PTPN3: variants seen among roughly 807,000 people sequenced by gnomAD.
PTPN3 encodes the protein protein tyrosine phosphatase non-receptor type 3.
Under a neutral mutation model 132.7 loss-of-function variants are expected in PTPN3, and 96 were observed. The ratio of observed to expected loss-of-function variants is 0.72; its 90% confidence interval spans 0.61 to 0.86. The LOEUF (loss-of-function observed/expected upper bound fraction) is 0.86. PTPN3 is among the 40% of genes least tolerant of loss of function. The pLI is 0.00. For synonymous variants in PTPN3, 398 were observed against 429.0 expected (o/e 0.93, Z 0.89); for missense variants, 1,125 against 1,159.6 (o/e 0.97, Z 0.43).
At chr9:109,458,130 T>G (rs1338995766) in intron 2 of PTPN3, among the ~76,000 whole-genome samples, 1 of 152,122 alleles carries the variant, frequency 6.6e-6, no homozygotes, top group East Asian at 1.9e-4. Context: ...GCAGTGGCTG[T>G]AACAGAGTGT....
the PTPN3 span, among the ~76,000 whole-genome samples, chr9:109,522,708 A>T: frequency 2.0e-5 from 3 of 152,214 alleles, no homozygotes; most frequent in African/African-American, 7.2e-5. Context: ...CACTCATAGG[A>T]AACCATCCTA....
chr9:109,414,980 G>A (rs1304569053), intron 14 of PTPN3, among the ~76,000 whole-genome samples: 2 of 152,118 alleles, frequency 1.3e-5, no homozygotes, highest in Admixed American at 1.3e-4. Flanking sequence ...TGAAAACTTA[G>A]GAGTTTGTAT....
the PTPN3 span, among the ~76,000 whole-genome samples, chr9:109,514,752 T>C: frequency 6.6e-6 from 1 of 152,184 alleles, no homozygotes; most frequent in Non-Finnish European, 1.5e-5. Context: ...GTAGATGGAC[T>C]TCCCCCTGCT....
At chr9:109,501,655 A>G (rs1051437763), upstream of PTPN3, among the ~76,000 whole-genome samples, 13 of 152,246 alleles carry the variant, frequency 8.5e-5, no homozygotes, top group African/African-American at 2.4e-4. Context: ...TTGAATGGGC[A>G]CATAATCTTC....
At chr9:109,428,883 C>T (rs1212474881) in intron 10 of PTPN3, 199 bp from the exon 11 acceptor site, 1 of 985,282 alleles carries the variant, frequency 1.0e-6, no homozygotes, top group Non-Finnish European at 1.2e-6. Context: ...AAGCTGAGCA[C>T]TGCGTAAGGG....
At chr9:109,467,339 C>T (rs1846149734) in intron 1 of PTPN3, among the ~76,000 whole-genome samples, 1 of 151,986 alleles carries the variant, frequency 6.6e-6, no homozygotes, top group South Asian at 2.1e-4. Context: ...TCAGAATCAC[C>T]TGAGGAGCTT....
intron 14 of PTPN3, among the ~76,000 whole-genome samples, chr9:109,414,081 T>C (rs1410690582): frequency 6.6e-6 from 1 of 151,970 alleles, no homozygotes; most frequent in Non-Finnish European, 1.5e-5. Flanking sequence ...ACACAGGGAG[T>C]ACTCAACTGA....
intron 4 of PTPN3, among the ~76,000 whole-genome samples, chr9:109,456,954 T>C (rs1252163894): frequency 1.3e-5 from 2 of 152,026 alleles, no homozygotes; most frequent in Non-Finnish European, 2.9e-5. Flanking sequence ...CTCTCACCCT[T>C]CCCCTTCTTT....
At chr9:109,458,814 C>T (rs10816814) in intron 2 of PTPN3, among the ~76,000 whole-genome samples, 57,587 of 152,064 alleles carry the variant, frequency 0.38, 11,478 homozygotes, top group African/African-American at 0.49. Context: ...CTCCCCTTGT[C>T]GGAATTATTT....
In PTPN3 at chr9:109,437,743, C is replaced by T. The variant is rs1401454832; in HGVS notation, c.587+371G>A. ...TACGTCCATCTGTCTGTCTGTTTAA[C>T]AAGACCTGAAGGAACAGCTTGTTTT... On this transcript the variant is annotated intron_variant, in intron 8 of 25. Coordinates refer to ENST00000374541, the MANE Select transcript of PTPN3 (RefSeq NM_002829.4). Among the ~76,000 whole-genome samples, 3 of 141,648 alleles carry T rather than the reference C, an allele frequency of 2.1e-5. No individual in the cohort carries two copies. In the East Asian group the frequency reaches 5.8e-4, roughly 27 times the overall value. The allele number at this position is 141,648 out of a possible 152,430, so 92.9% of individuals were successfully genotyped here. A position where few individuals can be genotyped will look rare whatever the true frequency, so the allele number is the denominator to read the frequency against.
At position 109,443,616 on chromosome 9, in the gene PTPN3, G is replaced by A. The variant is rs527913556; in HGVS notation, c.466+1624C>T. 4.6e-5 allele frequency among the ~76,000 whole-genome samples: 7 copies of A among 152,262 alleles called. No individual in the cohort carries two copies. In the South Asian group the frequency reaches 1.2e-3, roughly 27 times the overall value. ...ACACCAAACTTGCTCTGAGACATGGGGAGGCTCAGTCTCCTCAGCTGATTG... is the reference window on the plus strand; with the variant it reads ...ACACCAAACTTGCTCTGAGACATGGAGAGGCTCAGTCTCCTCAGCTGATTG... On this transcript the variant is annotated intron_variant, in intron 7 of 25. Transcript: ENST00000374541.
chr9:109,438,341 C>T, intron 7 of PTPN3, 107 bp from the exon 8 acceptor site: 1 of 1,262,520 alleles, frequency 7.9e-7, no homozygotes, highest in Non-Finnish European at 1.1e-6. Flanking sequence ...ATTAGAAATA[C>T]TCTTCTGGTA....
rs530673356 is a variant in PTPN3 at position 109,481,777 on chromosome 9, A to C, written c.-18+16442T>G. ...ATAAATTGATAAAATTGGGAACCCC[A>C]TACTCAGTGTGTAGCATGTCACTAA... On this transcript the variant is annotated intron_variant, in intron 1 of 25. Transcript: ENST00000374541. Among the ~76,000 whole-genome samples, 208 of 152,250 alleles carry C rather than the reference A, an allele frequency of 1.4e-3. 1 individual carries two copies. The highest frequency in any genetic ancestry group is 1.9e-3 in the Non-Finnish European group (128 of 68,046).
At position 109,408,299 on chromosome 9, in the gene PTPN3, AAC is replaced by A. The variant is rs1841732443; in HGVS notation, c.1635+20_1635+21del. On this transcript the variant is annotated intron_variant, in intron 17 of 25. Coordinates refer to ENST00000374541, the MANE Select transcript of PTPN3 (RefSeq NM_002829.4). Reference sequence around the variant, plus strand: ...GGGGAAACAAACAAACACGAGGAATAACATGGAATGTATTTACTTACAGGTGA... The same window carrying A: ...GGGGAAACAAACAAACACGAGGAATAATGGAATGTATTTACTTACAGGTGA... The A allele has an allele frequency of 1.3e-6, 2 of 1,517,892 alleles. No individual in the cohort carries two copies. The highest frequency in any genetic ancestry group is 4.0e-5 in the Admixed American group (2 of 49,906). 94.0% of individuals were successfully genotyped at this position (1,517,892 alleles called of 1,614,324 possible).
intron 22 of PTPN3, among the ~76,000 whole-genome samples, chr9:109,388,018 A>C (rs539995900): frequency 6.6e-6 from 1 of 152,326 alleles, no homozygotes; most frequent in African/African-American, 2.4e-5. Flanking sequence ...CAGACCTGAG[A>C]GTAGCACAGC....
chr9:109,454,249 G>A (rs1233648801), intron 5 of PTPN3, among the ~76,000 whole-genome samples: 1 of 152,116 alleles, frequency 6.6e-6, no homozygotes, highest in African/African-American at 2.4e-5. Flanking sequence ...GAGGTAGGAG[G>A]TGGCAGATGG....
the PTPN3 span, among the ~76,000 whole-genome samples, chr9:109,507,153 T>C: frequency 6.6e-6 from 1 of 152,148 alleles, no homozygotes; most frequent in Non-Finnish European, 1.5e-5. Flanking sequence ...CTACTGGAAA[T>C]TCATGTGGCT....
At chr9:109,511,785 CA>C in the PTPN3 span, among the ~76,000 whole-genome samples, 1 of 152,134 alleles carries the variant, frequency 6.6e-6, no homozygotes, top group Non-Finnish European at 1.5e-5. Flanking sequence ...GAGGCAGTCC[CA>C]ATAGGAACTT....
the PTPN3 span, among the ~76,000 whole-genome samples, chr9:109,515,304 T>C: frequency 1.3e-5 from 2 of 152,166 alleles, no homozygotes; most frequent in African/African-American, 4.8e-5. Flanking sequence ...GGATTATAGA[T>C]ATGAGCCACC....
Sources: gnomAD v4.1 joint callset for allele counts (sites outside exome capture counted in the v4.1 genomes callset) on GRCh38, gnomAD v4.1.1 for gene constraint, MANE v1.5 for transcripts, NCBI Gene and HGNC (gene_info 2026-07-23, HGNC 2026-07-21) for gene names.